Variants in MBOAT2 observed in about 807,000 individuals in gnomAD.
MBOAT2 encodes membrane-bound glycerophospholipid O-acyltransferase 2.
In MBOAT2, 28 loss-of-function variants were observed where a neutral mutation model predicts 63.4. The observed-to-expected ratio is 0.44, with a 90% CI of 0.33 to 0.61. The LOEUF is 0.61. Ranked by LOEUF, MBOAT2 falls within the 20% of genes least tolerant of loss-of-function variation. The pLI is 0.03. For missense variants in MBOAT2, 470 were observed against 605.8 expected (o/e 0.78, Z 2.35); for synonymous variants, 211 against 215.6 (o/e 0.98, Z 0.19).
chr2:8,963,461 G>A (rs1233488200), intron 1 of MBOAT2, among the ~76,000 whole-genome samples: 1 of 151,892 alleles, frequency 6.6e-6, no homozygotes, highest in African/African-American at 2.4e-5. Context: ...GCACTACCAC[G>A]CCCGGCTAAT....
intron 4 of MBOAT2, among the ~76,000 whole-genome samples, chr2:8,888,579 T>A (rs755632420): frequency 6.6e-6 from 1 of 152,170 alleles, no homozygotes; most frequent in Non-Finnish European, 1.5e-5. Flanking sequence ...AAAAAGGACT[T>A]TAAAATCATA....
intron 1 of MBOAT2, among the ~76,000 whole-genome samples, chr2:8,984,922 A>T (rs1671451378): frequency 6.6e-6 from 1 of 152,138 alleles, no homozygotes. Flanking sequence ...GAACAAGGGG[A>T]AGCAGAAAGA....
chr2:8,879,742 G>A (rs1158257759), intron 6 of MBOAT2, among the ~76,000 whole-genome samples: 4 of 152,070 alleles, frequency 2.6e-5, no homozygotes, highest in South Asian at 2.1e-4. Context: ...TCTTGGAGGC[G>A]AAATCACTCC....
At chr2:8,870,711 T>C (rs1662249395) in intron 8 of MBOAT2, among the ~76,000 whole-genome samples, 1 of 152,186 alleles carries the variant, frequency 6.6e-6, no homozygotes, top group African/African-American at 2.4e-5. Context: ...AGTACAGACA[T>C]AGTACAAGTA....
At chr2:8,912,418 A>AGGCC (rs759340359) in intron 3 of MBOAT2, among the ~76,000 whole-genome samples, 1 of 146,978 alleles carries the variant, frequency 6.8e-6, no homozygotes, top group Non-Finnish European at 1.5e-5. Flanking sequence ...AAAGAAAGAC[A>AGGCC]GGCCGGCCGG....
intron 2 of MBOAT2, among the ~76,000 whole-genome samples, chr2:8,948,711 A>G (rs1260060947): frequency 6.6e-6 from 1 of 152,176 alleles, no homozygotes; most frequent in Non-Finnish European, 1.5e-5. Context: ...CATGGTGTAT[A>G]TGTACCACAT....
intron 1 of MBOAT2, among the ~76,000 whole-genome samples, chr2:8,972,900 A>T (rs1057460343): frequency 6.6e-6 from 1 of 152,212 alleles, no homozygotes; most frequent in African/African-American, 2.4e-5. Flanking sequence ...GAGAAACAGG[A>T]ACACTTTTAC....
intron 4 of MBOAT2, among the ~76,000 whole-genome samples, chr2:8,902,084 G>T (rs1403447274): frequency 2.6e-5 from 4 of 152,174 alleles, no homozygotes; most frequent in African/African-American, 9.7e-5. Flanking sequence ...CAGCCCAGAG[G>T]TACAGGAAAA....
At position 8,858,668 on chromosome 2, in the gene MBOAT2, A is replaced by AG; in HGVS notation, c.*10dup. On this transcript the variant is annotated 3_prime_UTR_variant, in exon 13 of 13. Coordinates refer to ENST00000305997, the MANE Select transcript of MBOAT2 (RefSeq NM_138799.4). ...ATCAAAAAAAAAAAACAGCCCTCAG[A>AG]GCCTTCCCGATCACTGCTTTAGTGA... 1 of 1,577,984 alleles carries AG rather than the reference A, an allele frequency of 6.3e-7. No homozygotes were observed. The highest frequency in any genetic ancestry group is 8.6e-7 in the Non-Finnish European group (1 of 1,158,252).
At chr2:8,864,133 C>T (rs1158129722) in intron 10 of MBOAT2, 37 bp downstream of exon 10, 1 of 1,451,052 alleles carries the variant, frequency 6.9e-7, no homozygotes, top group Admixed American at 2.3e-5. Context: ...AACTAGACGC[C>T]AAAGCACATC....
At chr2:8,881,925 C>T (rs1158127467) in intron 6 of MBOAT2, among the ~76,000 whole-genome samples, 1 of 152,110 alleles carries the variant, frequency 6.6e-6, no homozygotes, top group African/African-American at 2.4e-5. Flanking sequence ...ATGAGTATTC[C>T]ATCTCAAATT....
intron 1 of MBOAT2, among the ~76,000 whole-genome samples, chr2:8,960,829 A>C (rs1465344405): frequency 6.6e-6 from 1 of 152,208 alleles, no homozygotes; most frequent in Non-Finnish European, 1.5e-5. Flanking sequence ...AAATGGAAAC[A>C]CAGGTTCTTA....
At chr2:8,873,356 T>A in intron 7 of MBOAT2, 56 bp from the exon 8 acceptor site, 2 of 1,522,178 alleles carry the variant, frequency 1.3e-6, no homozygotes, top group Non-Finnish European at 1.8e-6. Flanking sequence ...TTTAATTCAT[T>A]CTATGTATTA....
intron 1 of MBOAT2, among the ~76,000 whole-genome samples, chr2:8,996,663 T>G (rs993314890): frequency 6.6e-6 from 1 of 152,154 alleles, no homozygotes; most frequent in East Asian, 1.9e-4. Context: ...GCCACTATCT[T>G]GGGGTTCTGC....
intron 1 of MBOAT2, among the ~76,000 whole-genome samples, chr2:8,990,134 T>C (rs1671826899): frequency 6.6e-6 from 1 of 152,194 alleles, no homozygotes; most frequent in South Asian, 2.1e-4. Flanking sequence ...ATTTGAGGCC[T>C]AGGAAAAAGC....
intron 1 of MBOAT2, among the ~76,000 whole-genome samples, chr2:8,961,053 T>C (rs1339315995): frequency 1.3e-5 from 2 of 152,152 alleles, no homozygotes; most frequent in Non-Finnish European, 2.9e-5. Flanking sequence ...GACAAAACCA[T>C]GGAAGATTTT....
At chr2:8,938,006 G>A (rs1342797867) in intron 3 of MBOAT2, among the ~76,000 whole-genome samples, 1 of 152,286 alleles carries the variant, frequency 6.6e-6, no homozygotes, top group South Asian at 2.1e-4. Context: ...GGAAGTCCAA[G>A]CACACAGATT....
intron 1 of MBOAT2, among the ~76,000 whole-genome samples, chr2:8,992,981 G>T (rs1296116183): frequency 6.6e-6 from 1 of 152,190 alleles, no homozygotes; most frequent in African/African-American, 2.4e-5. Flanking sequence ...AGGACATGGA[G>T]GGTGGGTGAG....
At chr2:8,870,643 A>T (rs577799953) in intron 8 of MBOAT2, among the ~76,000 whole-genome samples, 96 of 152,284 alleles carry the variant, frequency 6.3e-4, no homozygotes, top group African/African-American at 2.3e-3. Flanking sequence ...ACAGAGTTGA[A>T]ACCTGAACCT....
Sources: allele counts gnomAD v4.1 joint callset (sites outside exome capture counted in the v4.1 genomes callset), GRCh38; gene constraint gnomAD v4.1.1; transcripts MANE v1.5; gene names NCBI Gene and HGNC (gene_info 2026-07-23, HGNC 2026-07-21).